Variants in NDST4 observed in about 807,000 individuals in gnomAD.
NDST4 encodes the protein N-heparan sulfate sulfotransferase 4.
Under a neutral mutation model 100.8 loss-of-function variants are expected in NDST4, and 63 were observed. The ratio of observed to expected loss-of-function variants is 0.62; its 90% CI spans 0.51 to 0.77. NDST4 has a LOEUF of 0.77. Ranked by LOEUF, NDST4 falls within the 30% of genes least tolerant of loss-of-function variation. NDST4 has a pLI of 0.00. For synonymous variants in NDST4, 377 were observed against 361.8 expected (o/e 1.04, Z -0.48); for missense variants, 943 against 1,018.4 (o/e 0.93, Z 1.01).
intron 6 of NDST4, among the ~76,000 whole-genome samples, chr4:114,927,216 TTGTGTGTGTGTG>T (rs10555403): frequency 8.1e-5 from 12 of 147,890 alleles, no homozygotes; most frequent in South Asian, 2.1e-4. Context: ...TTAACTTGAT[TTGTGTGTGTGTG>T]TGTGTGTGTG....
chr4:115,019,803 T>C (rs906850633), intron 2 of NDST4, among the ~76,000 whole-genome samples: 1 of 152,010 alleles, frequency 6.6e-6, no homozygotes, highest in African/African-American at 2.4e-5. Context: ...GAGTTGCAGA[T>C]AAAAGGATAA....
chr4:115,031,228 C>CTGT (rs759182154), intron 2 of NDST4, among the ~76,000 whole-genome samples: 3 of 151,972 alleles, frequency 2.0e-5, no homozygotes, highest in Non-Finnish European at 4.4e-5. Flanking sequence ...ATTCCTCTAC[C>CTGT]TGTTGTTGTT....
At chr4:114,927,408 T>C (rs989403805) in intron 6 of NDST4, among the ~76,000 whole-genome samples, 22 of 152,214 alleles carry the variant, frequency 1.4e-4, no homozygotes, top group African/African-American at 4.3e-4. Flanking sequence ...TATGTCATGA[T>C]TGTAGCCCAC....
chr4:114,832,848 G>A (rs1428080161), intron 12 of NDST4, among the ~76,000 whole-genome samples: 1 of 152,182 alleles, frequency 6.6e-6, no homozygotes, highest in Non-Finnish European at 1.5e-5. Flanking sequence ...AAGTCATCCA[G>A]GAGGCCTCAT....
chr4:114,942,844 C>A (rs1725778898), intron 4 of NDST4, among the ~76,000 whole-genome samples: 1 of 151,310 alleles, frequency 6.6e-6, no homozygotes, highest in Non-Finnish European at 1.5e-5. Flanking sequence ...CAAAAATATT[C>A]CAAACAAGGT....
chr4:114,891,921 A>G (rs1364935138), intron 6 of NDST4, among the ~76,000 whole-genome samples: 1 of 152,124 alleles, frequency 6.6e-6, no homozygotes, highest in African/African-American at 2.4e-5. Flanking sequence ...TGTCTGTGTG[A>G]TCACATTTCC....
At chr4:114,861,000 A>G (rs961483337) in intron 7 of NDST4, among the ~76,000 whole-genome samples, 17 of 152,218 alleles carry the variant, frequency 1.1e-4, no homozygotes, top group Non-Finnish European at 1.8e-4. Context: ...CTATTAATGG[A>G]CCACACTTTG....
chr4:115,035,712 G>A (rs1324528927), intron 2 of NDST4, among the ~76,000 whole-genome samples: 1 of 151,992 alleles, frequency 6.6e-6, no homozygotes, highest in South Asian at 2.1e-4. Flanking sequence ...ATGACTACGA[G>A]TTGAAGAGTC....
intron 6 of NDST4, among the ~76,000 whole-genome samples, chr4:114,896,622 C>CA (rs34174566): frequency 0.054 from 5,558 of 103,732 alleles, 164 homozygotes; most frequent in African/African-American, 0.092. Context: ...GACTCCGTCT[C>CA]AAAAAAAAAA....
intron 2 of NDST4, among the ~76,000 whole-genome samples, chr4:114,999,665 A>T (rs1727242041): frequency 6.6e-6 from 1 of 152,128 alleles, no homozygotes; most frequent in Non-Finnish European, 1.5e-5. Flanking sequence ...ATGGTAAAAC[A>T]TTCAGAGTAG....
intron 2 of NDST4, among the ~76,000 whole-genome samples, chr4:114,993,742 C>T (rs1480320665): frequency 1.3e-5 from 2 of 151,880 alleles, no homozygotes; most frequent in African/African-American, 4.8e-5. Context: ...AAAAAAGTTC[C>T]ATCCTTGTCC....
chr4:114,929,560 T>C (rs1275803367), intron 6 of NDST4, among the ~76,000 whole-genome samples: 1 of 152,202 alleles, frequency 6.6e-6, no homozygotes, highest in African/African-American at 2.4e-5. Flanking sequence ...AAAGCAAGTA[T>C]AGTTTGTGAC....
chr4:115,005,807 T>G (rs1350552322), intron 2 of NDST4, among the ~76,000 whole-genome samples: 1 of 150,912 alleles, frequency 6.6e-6, no homozygotes, highest in Non-Finnish European at 1.5e-5. Flanking sequence ...CTGAGGTGGG[T>G]GGAAGACTTG....
At chr4:114,953,689 C>T (rs1489161066) in intron 4 of NDST4, among the ~76,000 whole-genome samples, 2 of 152,078 alleles carry the variant, frequency 1.3e-5, no homozygotes, top group Non-Finnish European at 2.9e-5. Flanking sequence ...AAGTTGTTCA[C>T]TGAAATGAAT....
At chr4:114,931,754 A>G (rs1236541874) in intron 6 of NDST4, among the ~76,000 whole-genome samples, 1 of 151,896 alleles carries the variant, frequency 6.6e-6, no homozygotes, top group East Asian at 1.9e-4. Flanking sequence ...AGAAACAGAT[A>G]AATTCCCAGA....
chr4:114,883,075 G>C (rs1724404997), intron 6 of NDST4, among the ~76,000 whole-genome samples: 1 of 151,810 alleles, frequency 6.6e-6, no homozygotes, highest in African/African-American at 2.4e-5. Flanking sequence ...CAGTGGACTT[G>C]CCTTGAAAAA....
chr4:114,875,485 A>G (rs528005048), intron 6 of NDST4, among the ~76,000 whole-genome samples: 2 of 152,310 alleles, frequency 1.3e-5, no homozygotes, highest in African/African-American at 2.4e-5. Flanking sequence ...TCAAGGAAAA[A>G]GGAAGGTTTA....
chr4:114,850,491 A>C (rs1224822803), intron 8 of NDST4, among the ~76,000 whole-genome samples: 2 of 152,170 alleles, frequency 1.3e-5, no homozygotes, highest in Non-Finnish European at 2.9e-5. Flanking sequence ...CAAAATGCAC[A>C]TTTTAAAAAT....
chr4:115,043,123 G>GTT (rs972640107), intron 2 of NDST4, among the ~76,000 whole-genome samples: 2 of 151,778 alleles, frequency 1.3e-5, no homozygotes, highest in African/African-American at 4.8e-5. Context: ...TAGTCATTCA[G>GTT]TTTTAAAATT....
Sources: allele counts gnomAD v4.1 joint callset (sites outside exome capture counted in the v4.1 genomes callset), GRCh38; gene constraint gnomAD v4.1.1; transcripts MANE v1.5; gene names NCBI Gene and HGNC (gene_info 2026-07-23, HGNC 2026-07-21).